COL27A1: variants seen among roughly 807,000 people sequenced by gnomAD.
COL27A1 encodes collagen type XXVII alpha 1 chain, also known as collagen alpha-1(XXVII) chain.
COL27A1 carries 106 observed loss-of-function variants against 251.3 expected under a neutral mutation model. The observed-to-expected ratio is 0.42, with a 90% CI of 0.36 to 0.50. COL27A1 has a LOEUF of 0.50. Among genes scored for constraint, COL27A1 ranks in the 20% least tolerant of loss-of-function variants. The pLI is 0.00. For synonymous variants in COL27A1, 1,000 were observed against 986.3 expected (o/e 1.01, Z -0.26); for missense variants, 2,325 against 2,522.8 (o/e 0.92, Z 1.68).
At chr9:114,257,657 T>TCTCTGC in intron 27 of COL27A1, among the ~76,000 whole-genome samples, 1 of 152,002 alleles carries the variant, frequency 6.6e-6, no homozygotes, top group African/African-American at 2.4e-5. Flanking sequence ...CCCACCCACT[T>TCTCTGC]CTCTGCCTCT....
intron 2 of COL27A1, among the ~76,000 whole-genome samples, chr9:114,166,752 G>T (rs1043327340): frequency 1.3e-5 from 2 of 152,226 alleles, no homozygotes; most frequent in Non-Finnish European, 2.9e-5. Flanking sequence ...AGGTCAGGAA[G>T]CCTTTCCATA....
At chr9:114,235,448 G>A (rs1832310910) in intron 16 of COL27A1, 151 bp from the exon 17 acceptor site, 1 of 732,782 alleles carries the variant, frequency 1.4e-6, no homozygotes, top group Non-Finnish European at 2.5e-6. Flanking sequence ...CTCGCCAGGG[G>A]CCCGTCCTTT....
intron 9 of COL27A1, 107 bp downstream of exon 9, chr9:114,205,919 C>T: frequency 2.0e-6 from 2 of 1,016,310 alleles, no homozygotes; most frequent in South Asian, 1.6e-5. Flanking sequence ...GGAGCTGCAC[C>T]TGCTGGGTGG....
chr9:114,213,453 TAAGGCCA>T (rs1276503082), intron 12 of COL27A1, among the ~76,000 whole-genome samples: 2 of 152,196 alleles, frequency 1.3e-5, no homozygotes, highest in East Asian at 3.9e-4. Flanking sequence ...CTGTGTGAGA[TAAGGCCA>T]CTCATTCATT....
At chr9:114,269,330 C>T (rs892402708) in intron 35 of COL27A1, 36 bp downstream of exon 35, 2 of 1,553,906 alleles carry the variant, frequency 1.3e-6, no homozygotes, top group Non-Finnish European at 8.8e-7. Flanking sequence ...TGAAAGCCCC[C>T]AGGGTGTGTG....
intron 27 of COL27A1, among the ~76,000 whole-genome samples, chr9:114,256,315 C>T (rs1437997925): frequency 6.6e-6 from 1 of 152,162 alleles, no homozygotes; most frequent in African/African-American, 2.4e-5. Context: ...CACGGTGAAA[C>T]CCCGTCTCTA....
chr9:114,157,984 G>A (rs1028172166), intron 1 of COL27A1, among the ~76,000 whole-genome samples: 2 of 152,226 alleles, frequency 1.3e-5, no homozygotes, highest in African/African-American at 4.8e-5. Context: ...TTGAATGGGT[G>A]TGTGAGTCAA....
intron 57 of COL27A1, among the ~76,000 whole-genome samples, chr9:114,305,200 GC>G (rs1564592268): frequency 6.6e-6 from 1 of 152,162 alleles, no homozygotes; most frequent in African/African-American, 2.4e-5. Context: ...GGAACTTACT[GC>G]CCCCAGCTCA....
intron 3 of COL27A1, among the ~76,000 whole-genome samples, chr9:114,172,343 TC>T (rs1175636477): frequency 6.6e-6 from 1 of 152,082 alleles, no homozygotes; most frequent in Admixed American, 6.5e-5. Context: ...AGCTTAATTG[TC>T]CCCCATCCAG....
chr9:114,261,576 C>T (rs1037025549), intron 28 of COL27A1, among the ~76,000 whole-genome samples: 5 of 152,208 alleles, frequency 3.3e-5, no homozygotes, highest in African/African-American at 4.8e-5. Flanking sequence ...CAGCTTCTCC[C>T]GGGTTCTCTG....
At chr9:114,169,595 T>G (rs1849166346) in intron 3 of COL27A1, 132 bp downstream of exon 3, 1 of 649,426 alleles carries the variant, frequency 1.5e-6, no homozygotes, top group Non-Finnish European at 2.4e-6. Context: ...GGTACATCCT[T>G]GGCTCCAGCC....
At chr9:114,177,814 T>A (rs1390256748) in intron 3 of COL27A1, among the ~76,000 whole-genome samples, 1 of 152,190 alleles carries the variant, frequency 6.6e-6, no homozygotes, top group Non-Finnish European at 1.5e-5. Context: ...TCTGTTCTGA[T>A]TCTGCAGAGA....
intron 51 of COL27A1, 36 bp from the exon 52 acceptor site, chr9:114,301,036 G>A (rs2131662810): frequency 6.4e-7 from 1 of 1,568,970 alleles, no homozygotes; most frequent in Non-Finnish European, 8.6e-7. Flanking sequence ...CCCAGGCCCT[G>A]GAACAAGGAC....
At chr9:114,245,163 T>TG (rs1232953414) in intron 23 of COL27A1, among the ~76,000 whole-genome samples, 3 of 138,876 alleles carry the variant, frequency 2.2e-5, no homozygotes, top group African/African-American at 7.7e-5. Flanking sequence ...TTTTTTTTTT[T>TG]TTTTTTTTTT....
At chr9:114,250,776 C>A (rs1332565329) in intron 25 of COL27A1, 108 bp downstream of exon 25, 9 of 939,476 alleles carry the variant, frequency 9.6e-6, no homozygotes, top group Non-Finnish European at 1.5e-5. Flanking sequence ...CCTCCCCTAG[C>A]CTCTCTCCTG....
intron 16 of COL27A1, among the ~76,000 whole-genome samples, chr9:114,233,838 GAA>G (rs954366855): frequency 8.5e-5 from 13 of 152,068 alleles, no homozygotes; most frequent in African/African-American, 3.1e-4. Flanking sequence ...GTCTTTAGGG[GAA>G]AAAAGAGAGA....
intron 3 of COL27A1, among the ~76,000 whole-genome samples, chr9:114,175,190 G>A (rs1267279324): frequency 6.6e-6 from 1 of 152,176 alleles, no homozygotes; most frequent in Non-Finnish European, 1.5e-5. Context: ...GTTTGCGTAC[G>A]CCTGGAGCCC....
chr9:114,197,060 G>T (rs1341068195), intron 7 of COL27A1, among the ~76,000 whole-genome samples: 10 of 152,206 alleles, frequency 6.6e-5, no homozygotes, highest in Non-Finnish European at 1.3e-4. Context: ...TGCATAGCAG[G>T]TGTTCAGGAA....
In COL27A1 at chr9:114,183,798, C is replaced by T. The variant is rs1828127341; in HGVS notation, c.2016+723C>T. Among the ~76,000 whole-genome samples the T allele has an allele frequency of 3.9e-5, 6 of 152,228 alleles. No individual in the cohort carries two copies. The South Asian group carries it at 1.2e-3, about 32-fold the overall frequency. On this transcript the variant is annotated intron_variant, in intron 5 of 60. Coordinates refer to ENST00000356083, the MANE Select transcript of COL27A1 (RefSeq NM_032888.4). ...AGACAGAGCCAGGGGGAGGCTGGCG[C>T]AGAGATGCCACCTCCCCCAGGGAGT... is the stretch of plus-strand genomic sequence containing the variant.
Sources: allele counts gnomAD v4.1 joint callset (sites outside exome capture counted in the v4.1 genomes callset), GRCh38; gene constraint gnomAD v4.1.1; transcripts MANE v1.5; gene names NCBI Gene and HGNC (gene_info 2026-07-23, HGNC 2026-07-21).